Variants in GOLGA4 observed in about 807,000 individuals in gnomAD.
GOLGA4 encodes golgin A4.
GOLGA4 carries 169 observed loss-of-function variants against 265.9 expected under a neutral mutation model. That is an observed-to-expected ratio of 0.64 (90% CI 0.56 to 0.72). The LOEUF (loss-of-function observed/expected upper bound fraction) is 0.72, where lower values mean the gene tolerates loss of function less well. Ranked by LOEUF, GOLGA4 falls within the 30% of genes least tolerant of loss-of-function variation. The probability of loss-of-function intolerance (pLI) is 0.00; values close to 1 mark genes in which losing one functional copy is unlikely to be tolerated. For missense variants in GOLGA4, 2,482 were observed against 2,483.4 expected (o/e 1.00, Z 0.01); for synonymous variants, 923 against 855.8 (o/e 1.08, Z -1.37).
chr3:37,256,660 A>G (rs1199246236), intron 2 of GOLGA4, among the ~76,000 whole-genome samples: 2 of 152,082 alleles, frequency 1.3e-5, no homozygotes, highest in Non-Finnish European at 2.9e-5. Context: ...GCATAGCCCC[A>G]CTATCCTCAG....
rs2096976333 is a variant in GOLGA4 at position 37,327,676 on chromosome 3, T to G, written c.5790T>G (p.Phe1930Leu). Residue 1930 changes from phenylalanine to leucine, a missense_variant, in exon 14 of 24, where the codon TTT becomes TTG. This residue lies in a region of GOLGA4 where 942 missense variants were observed against 983.1 expected (regional missense o/e 0.96). Transcript: ENST00000361924. ...AAGCCCAGCACAATGATCTGGAGTT[T>G]AAATTAGCCGGGGCAGAACGGGAGA... ...NMEAQHNDLE[F>L]KLAGAEREKQ... The G allele has an allele frequency of 6.2e-7, 1 of 1,614,010 alleles. No homozygotes were observed. Among genetic ancestry groups the G allele is most frequent in the Non-Finnish European group, 8.5e-7 (1 of 1,179,930 alleles).
intron 20 of GOLGA4, among the ~76,000 whole-genome samples, chr3:37,342,650 TTGTG>T (rs2097040308): frequency 6.6e-6 from 1 of 152,198 alleles, no homozygotes; most frequent in Admixed American, 6.5e-5. Flanking sequence ...GTTATCCAGA[TTGTG>T]TGTAGTTGTT....
chr3:37,337,039 T>C, intron 17 of GOLGA4, 104 bp from the exon 18 acceptor site: 1 of 759,458 alleles, frequency 1.3e-6, no homozygotes, highest in Non-Finnish European at 2.2e-6. Flanking sequence ...CTTGAGACTC[T>C]TAACCCTGAC....
At chr3:37,312,273 G>T (rs906537100) in intron 10 of GOLGA4, among the ~76,000 whole-genome samples, 1 of 152,200 alleles carries the variant, frequency 6.6e-6, no homozygotes, top group Non-Finnish European at 1.5e-5. Flanking sequence ...TAATTAGGCA[G>T]TAAGCACTTT....
At chr3:37,316,446 AG>A (rs1222342163) in intron 11 of GOLGA4, among the ~76,000 whole-genome samples, 1 of 152,082 alleles carries the variant, frequency 6.6e-6, no homozygotes, top group Admixed American at 6.6e-5. Flanking sequence ...ACAGGCATTG[AG>A]GGGGGCAAAT....
chr3:37,350,947 G>A (rs1248445557), intron 21 of GOLGA4, among the ~76,000 whole-genome samples: 3 of 152,084 alleles, frequency 2.0e-5, no homozygotes, highest in Non-Finnish European at 2.9e-5. Flanking sequence ...TAATCAGAGT[G>A]GTGGTTGCTG....
chr3:37,287,257 C>G (rs2096852078), intron 4 of GOLGA4, among the ~76,000 whole-genome samples: 1 of 152,180 alleles, frequency 6.6e-6, no homozygotes, highest in Admixed American at 6.5e-5. Flanking sequence ...AGGAGAATTG[C>G]TTGAACCTGG....
chr3:37,329,120 CTT>C (rs749490777), intron 16 of GOLGA4, 27 bp downstream of exon 16: 6 of 1,550,588 alleles, frequency 3.9e-6, no homozygotes, highest in East Asian at 2.3e-5. Context: ...TTCTCTCTCA[CTT>C]TTGAAATTTA....
intron 5 of GOLGA4, among the ~76,000 whole-genome samples, chr3:37,290,957 T>C (rs946802446): frequency 1.8e-4 from 28 of 152,190 alleles, no homozygotes; most frequent in African/African-American, 6.8e-4. Flanking sequence ...TAAGCTAATA[T>C]CTTTTTGCTT....
intron 2 of GOLGA4, among the ~76,000 whole-genome samples, chr3:37,260,969 C>T (rs554034664): frequency 2.0e-5 from 3 of 150,446 alleles, no homozygotes; most frequent in South Asian, 4.2e-4. Flanking sequence ...GAGTTGGAGA[C>T]CAGTGTGGGC....
intron 2 of GOLGA4, among the ~76,000 whole-genome samples, chr3:37,279,682 A>C (rs1182640583): frequency 6.6e-6 from 1 of 152,152 alleles, no homozygotes; most frequent in African/African-American, 2.4e-5. Context: ...TGAGGTCGGC[A>C]GATCACCTGA....
At chr3:37,317,359 G>C (rs143456875) in intron 11 of GOLGA4, among the ~76,000 whole-genome samples, 1 of 151,906 alleles carries the variant, frequency 6.6e-6, no homozygotes, top group Admixed American at 6.6e-5. Flanking sequence ...TAGTAGAGAT[G>C]GGGTTTCTCC....
intron 7 of GOLGA4, among the ~76,000 whole-genome samples, chr3:37,296,796 C>G (rs569625495): frequency 1.3e-5 from 2 of 152,136 alleles, no homozygotes; most frequent in Non-Finnish European, 2.9e-5. Flanking sequence ...GTCTCGAACT[C>G]CTAATCTCAA....
chr3:37,316,199 CTTT>C (rs34521576), intron 11 of GOLGA4, among the ~76,000 whole-genome samples: 2 of 138,772 alleles, frequency 1.4e-5, no homozygotes, highest in Non-Finnish European at 1.6e-5. Context: ...TTTTTTTCTG[CTTT>C]TTTTTTTTTT....
rs200887494 is a variant in GOLGA4 at position 37,323,691 on chromosome 3, A to G, written c.1805A>G (p.Asn602Ser). 1.8e-5 allele frequency: 29 copies of G among 1,612,638 alleles called. No individual in the cohort carries two copies. In the East Asian group the frequency reaches 5.8e-4, roughly 32 times the overall value. ...CTGGAAGCTGAAAAAAATAAGCACAATAAGGAGATTACAGTCATGGTTGAA... is the reference window on the plus strand; with the variant it reads ...CTGGAAGCTGAAAAAAATAAGCACAGTAAGGAGATTACAGTCATGGTTGAA... ...VHLEAEKNKHNKEITVMVEKH... is the reference protein window; with the variant it reads ...VHLEAEKNKHSKEITVMVEKH... The change falls in exon 14 of 24, where the codon AAT becomes AGT. Residue 602 changes from asparagine to serine, a missense_variant. Physicochemically the swap from Asn to Ser is conservative, Grantham distance 46 (BLOSUM62 1). Coordinates refer to ENST00000361924, the MANE Select transcript of GOLGA4 (RefSeq NM_002078.5).
At position 37,327,637 on chromosome 3, in the gene GOLGA4, G is replaced by C; in HGVS notation, c.5751G>C (p.Leu1917Phe). 1.2e-6 allele frequency: 2 copies of C among 1,613,852 alleles called. No homozygotes were observed. Among genetic ancestry groups the C allele is most frequent in the Non-Finnish European group, 1.7e-6 (2 of 1,179,812 alleles). The change falls in exon 14 of 24, where the codon TTG (leucine) becomes TTC (phenylalanine). Residue 1917 changes from leucine (L) to phenylalanine (F), a missense_variant. Around this residue, in one of 3 missense-constraint regions of GOLGA4, gnomAD observed 942 missense variants for 983.1 expected, o/e 0.96. Coordinates refer to ENST00000361924, the MANE Select transcript of GOLGA4 (RefSeq NM_002078.5). Reference protein sequence around the residue: ...KSKSHLVQPKLLSNMEAQHND... With the variant: ...KSKSHLVQPKFLSNMEAQHND... ...AATCACATTTGGTCCAACCCAAATT[G>C]CTTAGTAACATGGAAGCCCAGCACA...
chr3:37,344,325 C>T (rs1204992236), intron 20 of GOLGA4, among the ~76,000 whole-genome samples: 2 of 152,194 alleles, frequency 1.3e-5, no homozygotes, highest in African/African-American at 4.8e-5. Flanking sequence ...TGGTCTCGAA[C>T]TCCTGACCTC....
At chr3:37,284,166 C>A (rs551891792) in intron 3 of GOLGA4, among the ~76,000 whole-genome samples, 1 of 152,268 alleles carries the variant, frequency 6.6e-6, no homozygotes, top group South Asian at 2.1e-4. Flanking sequence ...ACACACAACC[C>A]CCCTCCACCC....
chr3:37,304,752 A>T (rs2096901669), intron 10 of GOLGA4, among the ~76,000 whole-genome samples: 1 of 152,144 alleles, frequency 6.6e-6, no homozygotes, highest in Non-Finnish European at 1.5e-5. Flanking sequence ...ATGCGGATAA[A>T]ATTTTCTGGT....
Sources: allele counts gnomAD v4.1 joint callset (sites outside exome capture counted in the v4.1 genomes callset), GRCh38; gene constraint gnomAD v4.1.1; regional missense constraint gnomAD v4.1.1; transcripts MANE v1.5; gene names NCBI Gene and HGNC (gene_info 2026-07-23, HGNC 2026-07-21).